Variants in SYNE1 observed in about 807,000 individuals in gnomAD.
The protein encoded by SYNE1 is nesprin-1.
A neutral mutation model predicts 1,111.0 loss-of-function variants in SYNE1; 616 were observed. The ratio of observed to expected loss-of-function variants is 0.55; its 90% CI spans 0.52 to 0.59. The LOEUF is 0.59. Ranked by LOEUF, SYNE1 falls within the 20% of genes least tolerant of loss-of-function variation. SYNE1 has a pLI of 0.00. For synonymous variants in SYNE1, 3,855 were observed against 3,825.8 expected (o/e 1.01, Z -0.28); for missense variants, 10,006 against 10,417.0 (o/e 0.96, Z 1.72).
intron 22 of SYNE1, among the ~76,000 whole-genome samples, chr6:152,458,289 A>G (rs928805152): frequency 5.9e-5 from 9 of 152,178 alleles, no homozygotes; most frequent in African/African-American, 1.2e-4. Flanking sequence ...CTCCATCTCT[A>G]TAACACATCC....
intron 121 of SYNE1, among the ~76,000 whole-genome samples, chr6:152,217,115 A>T (rs622664): frequency 0.32 from 19,967 of 63,372 alleles, 1,773 homozygotes; most frequent in Admixed American, 0.43. Flanking sequence ...TTTTTTTTTT[A>T]AAAAAGTATT....
chr6:152,507,707 T>C (rs2099065367), intron 8 of SYNE1, among the ~76,000 whole-genome samples: 1 of 152,196 alleles, frequency 6.6e-6, no homozygotes, highest in Admixed American at 6.5e-5. Context: ...ATATATTTAT[T>C]TATTTTGTTA....
chr6:152,430,403 T>C lies in SYNE1; in HGVS notation c.4689+79A>G, dbSNP rs998522027. ...ATTATGTCTTTCTCTTATTCCACTA[T>C]TTGTAAAGTATTTATTGCACTTACC... On this transcript the variant is annotated intron_variant, in intron 35 of 145. Coordinates refer to ENST00000367255, the MANE Select transcript of SYNE1 (RefSeq NM_182961.4). The C allele has an allele frequency of 6.0e-6, 8 of 1,333,268 alleles. No homozygotes were observed. In the African/African-American group the frequency reaches 1.2e-4, roughly 19 times the overall value. The allele number at this position is 1,333,268 out of a possible 1,614,324, so 82.6% of individuals were successfully genotyped here.
At position 152,255,039 on chromosome 6, in the gene SYNE1, T is replaced by A. The variant is rs2090468441; in HGVS notation, c.19311A>T (p.Lys6437Asn). The A allele has an allele frequency of 3.7e-6, 6 of 1,611,616 alleles. No individual in the cohort carries two copies. In the South Asian group the frequency reaches 6.6e-5, roughly 18 times the overall value. ...KEMSEEMDKN[K>N]NLFSQAFPEN... is the part of the protein sequence containing the mutation. Reference sequence around the variant, plus strand: ...CTGGAAAAGCTTGGGAAAACAAGTTTTTGTTCTTATCCATTTCTTCAGACA... The same window carrying A: ...CTGGAAAAGCTTGGGAAAACAAGTTATTGTTCTTATCCATTTCTTCAGACA... Residue 6437 changes from lysine (K) to asparagine (N), a missense_variant, in exon 104 of 146, where the codon AAA becomes AAT. Lys to Asn is a moderately conservative substitution (Grantham distance 94, BLOSUM62 0). This residue lies in a region of SYNE1 where 2,182 missense variants were observed against 2,287.8 expected (regional missense o/e 0.95). Transcript: ENST00000367255.
intron 6 of SYNE1, among the ~76,000 whole-genome samples, chr6:152,513,502 T>A (rs2099096193): frequency 6.6e-6 from 1 of 152,038 alleles, no homozygotes; most frequent in Non-Finnish European, 1.5e-5. Context: ...CCCGGCTAAT[T>A]TTTGCATTTT....
At chr6:152,284,559 A>G (rs572421745) in intron 95 of SYNE1, among the ~76,000 whole-genome samples, 11 of 151,302 alleles carry the variant, frequency 7.3e-5, no homozygotes, top group Non-Finnish European at 1.6e-4. Flanking sequence ...CCTGGGCTCA[A>G]GCGGCCCTCC....
At position 152,330,056 on chromosome 6, in the gene SYNE1, T is replaced by C; in HGVS notation, c.14629A>G (p.Thr4877Ala). ...LLTSAIGETV[T>A]ECESRMVQSI... ...TGCACCATTCGGCTCTCACATTCTGTCACCGTCTCACCAATGGCAGAAGTC... is the reference window on the plus strand; with the variant it reads ...TGCACCATTCGGCTCTCACATTCTGCCACCGTCTCACCAATGGCAGAAGTC... Residue 4877 changes from threonine to alanine, a missense_variant, in exon 78 of 146, where the codon ACA becomes GCA. Physicochemically the swap from Thr to Ala is moderately conservative, Grantham distance 58 (BLOSUM62 0). This residue lies in a region of SYNE1 where 4,955 missense variants were observed against 5,017.2 expected (regional missense o/e 0.99). Transcript: ENST00000367255. 6.2e-7 allele frequency: 1 copy of C among 1,614,168 alleles called. No individual in the cohort carries two copies. Among genetic ancestry groups the C allele is most frequent in the South Asian group, 1.1e-5 (1 of 91,084 alleles).
chr6:152,339,282 C>T lies in SYNE1; in HGVS notation c.12310G>A (p.Val4104Met). The change falls in exon 75 of 146, where the codon GTG becomes ATG. Residue 4104 changes from valine (V) to methionine (M), a missense_variant. Physicochemically the swap from Val to Met is conservative, Grantham distance 21 (BLOSUM62 1). This residue lies in a region of SYNE1 where 4,955 missense variants were observed against 5,017.2 expected (regional missense o/e 0.99). Transcript: ENST00000367255. ...TGAATGTCTTTTGCTGTGGTTTTCA[C>T]CGAAGCATTTGACAGGTCACACATG... ...CSMCDLSNAS[V>M]KTTAKDIQQT... The T allele has an allele frequency of 1.2e-6, 2 of 1,613,956 alleles. No homozygotes were observed. The highest frequency in any genetic ancestry group is 1.3e-5 in the African/African-American group (1 of 75,046).
chr6:152,620,728 T>G (rs2099673628), intron 3 of SYNE1, among the ~76,000 whole-genome samples: 1 of 152,180 alleles, frequency 6.6e-6, no homozygotes, highest in African/African-American at 2.4e-5. Context: ...AAATAACCTC[T>G]ATTCCGGCCT....
intron 71 of SYNE1, 131 bp downstream of exon 71, chr6:152,350,487 T>A (rs1019117889): frequency 3.3e-5 from 49 of 1,467,198 alleles, no homozygotes; most frequent in Non-Finnish European, 3.6e-5. Context: ...ATTATGCCAA[T>A]TAAATATCCA....
intron 3 of SYNE1, among the ~76,000 whole-genome samples, chr6:152,555,703 C>A (rs2099362774): frequency 6.6e-6 from 1 of 152,036 alleles, no homozygotes. Flanking sequence ...TGAATGAATT[C>A]ATGTAATTTG....
chr6:152,460,408 G>T (rs945636602), intron 21 of SYNE1, among the ~76,000 whole-genome samples: 4 of 152,034 alleles, frequency 2.6e-5, no homozygotes, highest in African/African-American at 9.7e-5. Flanking sequence ...TTATGGTCAT[G>T]ATTTTTCCTA....
At chr6:152,339,631 T>A (rs937209539) in intron 74 of SYNE1, among the ~76,000 whole-genome samples, 7 of 152,248 alleles carry the variant, frequency 4.6e-5, no homozygotes, top group Admixed American at 6.5e-5. Context: ...AAGAAACTTC[T>A]ATAATCTTTC....
At chr6:152,612,896 C>G (rs558018006) in intron 3 of SYNE1, among the ~76,000 whole-genome samples, 2 of 152,126 alleles carry the variant, frequency 1.3e-5, no homozygotes, top group Non-Finnish European at 2.9e-5. Context: ...ATGACAAAAA[C>G]CACATGATTA....
At chr6:152,538,776 G>A (rs955022155) in intron 4 of SYNE1, among the ~76,000 whole-genome samples, 3 of 152,080 alleles carry the variant, frequency 2.0e-5, no homozygotes, top group Non-Finnish European at 2.9e-5. Context: ...AGATTGTGGG[G>A]CAACTACTGG....
At chr6:152,403,074 C>T (rs1467897365) in intron 46 of SYNE1, among the ~76,000 whole-genome samples, 1 of 152,038 alleles carries the variant, frequency 6.6e-6, no homozygotes, top group East Asian at 1.9e-4. Flanking sequence ...GATTGCTTAG[C>T]CCAAAGTAGC....
chr6:152,133,491 A>G lies in SYNE1; in HGVS notation c.25789-3T>C, dbSNP rs2056336372. The G allele has an allele frequency of 6.2e-7, 1 of 1,613,876 alleles. No homozygotes were observed. Among genetic ancestry groups the G allele is most frequent in the Non-Finnish European group, 8.5e-7 (1 of 1,179,922 alleles). On this transcript the variant is annotated splice_polypyrimidine_tract_variant and splice_region_variant and intron_variant, in intron 142 of 145. Transcript: ENST00000367255. ...TCCAACAGCTCATGCTTTATTTGCT[A>G]TGCATACAAAAACAAATTAATTTTT...
intron 128 of SYNE1, among the ~76,000 whole-genome samples, chr6:152,181,296 C>T (rs1278976784): frequency 1.3e-5 from 2 of 152,086 alleles, no homozygotes; most frequent in South Asian, 4.1e-4. Flanking sequence ...CCTGTAATCC[C>T]AGCTACTTGG....
chr6:152,338,655 C>G (rs1017647985), intron 75 of SYNE1, among the ~76,000 whole-genome samples: 2 of 152,062 alleles, frequency 1.3e-5, no homozygotes, highest in Non-Finnish European at 2.9e-5. Flanking sequence ...CAAACAAACC[C>G]AAATGTGTTT....
Sources: gnomAD v4.1 joint callset for allele counts (sites outside exome capture counted in the v4.1 genomes callset) on GRCh38, gnomAD v4.1.1 for gene constraint, gnomAD v4.1.1 regional missense constraint, MANE v1.5 for transcripts, NCBI Gene and HGNC (gene_info 2026-07-23, HGNC 2026-07-21) for gene names.